Variants in PLB1 observed in about 807,000 individuals in gnomAD.
The protein encoded by PLB1 is phospholipase B1.
In PLB1, 242 loss-of-function variants were observed where a neutral mutation model predicts 227.4. That is an observed-to-expected ratio of 1.06 (90% CI 0.96 to 1.18). PLB1 has a LOEUF of 1.18. Among genes scored for constraint, PLB1 ranks in the 50% most tolerant of loss-of-function variants. PLB1 has a pLI of 0.00. For missense variants in PLB1, 1,858 were observed against 1,816.3 expected, an observed-to-expected ratio of 1.02 and a Z score of -0.42; for synonymous variants, 757 against 682.2, an observed-to-expected ratio of 1.11 and a Z score of -1.71.
intron 8 of PLB1, 68 bp from the exon 9 acceptor site, chr2:28,532,040 A>T: frequency 8.1e-7 from 1 of 1,235,246 alleles, no homozygotes; most frequent in Non-Finnish European, 1.2e-6. Flanking sequence ...AGACATGAAA[A>T]CAAAGACATT....
In PLB1 at chr2:28,605,662, G is replaced by T. The variant is rs1202439968; in HGVS notation, c.2962-191G>T. On this transcript the variant is annotated intron_variant, in intron 41 of 57. Coordinates refer to ENST00000327757, the MANE Select transcript of PLB1 (RefSeq NM_153021.5). ...TCAAAAAGGAAGGTTGGGGGTTGGC[G>T]TCACCCAAAACTATTCTTTGTGGGA... Among the ~76,000 whole-genome samples, 5 of 152,184 alleles carry T rather than the reference G, an allele frequency of 3.3e-5. No homozygotes were observed. In the East Asian group the frequency reaches 9.6e-4, roughly 29 times the overall value.
chr2:28,541,399 G>A (rs1032457305), intron 12 of PLB1, among the ~76,000 whole-genome samples: 1 of 152,214 alleles, frequency 6.6e-6, no homozygotes, highest in Admixed American at 6.5e-5. Context: ...ACTGAACTTA[G>A]CTCTTGAAGA....
intron 4 of PLB1, among the ~76,000 whole-genome samples, chr2:28,524,778 G>A (rs1020363310): frequency 5.9e-5 from 9 of 151,290 alleles, no homozygotes; most frequent in Non-Finnish European, 2.9e-5. Flanking sequence ...TGCAGAGGAA[G>A]CCAAGAACTT....
At chr2:28,615,555 G>A (rs1686077065) in intron 44 of PLB1, among the ~76,000 whole-genome samples, 1 of 152,230 alleles carries the variant, frequency 6.6e-6, no homozygotes, top group Middle Eastern at 3.2e-3. Flanking sequence ...ATTGCTGGCT[G>A]CGGGTTATGC....
intron 51 of PLB1, among the ~76,000 whole-genome samples, chr2:28,627,379 G>A (rs574203145): frequency 2.6e-4 from 39 of 152,292 alleles, no homozygotes; most frequent in African/African-American, 8.9e-4. Flanking sequence ...CACTGTGGAC[G>A]CTGGCGTAGG....
At chr2:28,594,439 C>T (rs1022382513) in intron 33 of PLB1, 1 of 163,100 alleles carries the variant, frequency 6.1e-6, no homozygotes, top group Admixed American at 5.9e-5. Context: ...CAGAATTTAC[C>T]TGGGAAAACA....
intron 16 of PLB1, among the ~76,000 whole-genome samples, chr2:28,550,583 C>G (rs1193848786): frequency 6.7e-6 from 1 of 149,962 alleles, no homozygotes; most frequent in Non-Finnish European, 1.5e-5. Flanking sequence ...CTATGTCATC[C>G]AGGCTGGAGT....
At chr2:28,553,042 A>T (rs1441771235) in intron 17 of PLB1, 51 bp downstream of exon 17, 2 of 1,523,298 alleles carry the variant, frequency 1.3e-6, no homozygotes, top group South Asian at 1.1e-5. Context: ...GCCTGAAATC[A>T]TCCAAGTAAG....
rs1377681697 is a variant in PLB1, at chr2:28,519,872, T to A, written c.243+109T>A. On this transcript the variant is annotated intron_variant, in intron 4 of 57. Transcript: ENST00000327757. ...CGTTTCATTTTGGGAGAGAACATCA[T>A]GTGAACTAGATAAATCCAGGAGGTT... The A allele has an allele frequency of 7.5e-6, 5 of 663,304 alleles. No individual in the cohort carries two copies. The East Asian group carries it at 1.4e-4, about 19-fold the overall frequency. The allele number at this position is 663,304 out of a possible 1,614,324, so 41.1% of individuals were successfully genotyped here. A position where few individuals can be genotyped will look rare whatever the true frequency, so the allele number is the denominator to read the frequency against.
At chr2:28,568,575 C>T (rs959931830) in intron 20 of PLB1, among the ~76,000 whole-genome samples, 7 of 152,174 alleles carry the variant, frequency 4.6e-5, no homozygotes, top group African/African-American at 1.7e-4. Context: ...CCGTTCAACC[C>T]CCTGTTCAAT....
intron 17 of PLB1, among the ~76,000 whole-genome samples, chr2:28,560,747 T>G (rs1304437571): frequency 3.3e-5 from 5 of 152,224 alleles, no homozygotes; most frequent in Non-Finnish European, 5.9e-5. Flanking sequence ...ACGTATTATA[T>G]TATTCTATTT....
At chr2:28,528,322 C>T (rs932137152) in intron 6 of PLB1, among the ~76,000 whole-genome samples, 24 of 152,178 alleles carry the variant, frequency 1.6e-4, no homozygotes, top group African/African-American at 4.8e-4. Flanking sequence ...AGGCATCTGC[C>T]TCCCATGACA....
At chr2:28,568,360 T>C (rs991386423) in intron 20 of PLB1, among the ~76,000 whole-genome samples, 2 of 152,202 alleles carry the variant, frequency 1.3e-5, no homozygotes, top group African/African-American at 4.8e-5. Context: ...ACCAAAGTAA[T>C]TTACAAAGGA....
In PLB1 at chr2:28,529,849, ATGATGAC is replaced by A; in HGVS notation, c.468+71_468+77del. 4 of 1,470,522 alleles carry A rather than the reference ATGATGAC, an allele frequency of 2.7e-6. No homozygotes were observed. In the East Asian group the frequency reaches 9.1e-5, roughly 33 times the overall value. The allele number at this position is 1,470,522 out of a possible 1,614,324, so 91.1% of individuals were successfully genotyped here. A position where few individuals can be genotyped will look rare whatever the true frequency, so the allele number is the denominator to read the frequency against. ...GCTGCAAGGCGGGCAGACCGAAGTG[ATGATGAC>A]CCTCGTACCATTTTACCATGAACTC... On this transcript the variant is annotated intron_variant, in intron 8 of 57. Transcript: ENST00000327757.
At chr2:28,545,246 TCCCAG>T (rs1384433178) in intron 14 of PLB1, among the ~76,000 whole-genome samples, 1 of 112,216 alleles carries the variant, frequency 8.9e-6, no homozygotes, top group African/African-American at 3.1e-5. Flanking sequence ...AAGTCCGGTT[TCCCAG>T]TGCCAGTGCA....
intron 14 of PLB1, among the ~76,000 whole-genome samples, chr2:28,547,183 G>GA (rs11407445): frequency 0.033 from 4,181 of 126,372 alleles, 236 homozygotes; most frequent in African/African-American, 0.12. Context: ...TCTGAGCAAT[G>GA]AGAATGAGAC....
intron 4 of PLB1, among the ~76,000 whole-genome samples, chr2:28,522,277 T>C (rs1354626424): frequency 6.6e-6 from 1 of 151,922 alleles, no homozygotes; most frequent in East Asian, 1.9e-4. Context: ...TGTAGAGGTA[T>C]AGACTGAACC....
chr2:28,546,721 C>T (rs1673317365), intron 14 of PLB1, among the ~76,000 whole-genome samples: 1 of 152,060 alleles, frequency 6.6e-6, no homozygotes, highest in South Asian at 2.1e-4. Context: ...ATGGAGGGGA[C>T]TCCTAAAGGG....
chr2:28,584,209 C>T (rs1680530388), intron 25 of PLB1, among the ~76,000 whole-genome samples: 1 of 152,194 alleles, frequency 6.6e-6, no homozygotes, highest in Non-Finnish European at 1.5e-5. Context: ...TGCTGAATGA[C>T]TGAATAATTC....
Sources: gnomAD v4.1 joint callset for allele counts (sites outside exome capture counted in the v4.1 genomes callset) on GRCh38, gnomAD v4.1.1 for gene constraint, MANE v1.5 for transcripts, NCBI Gene and HGNC (gene_info 2026-07-23, HGNC 2026-07-21) for gene names.